The following CLTCL1 variants were observed in gnomAD, a reference collection of about 807,000 sequenced individuals.
The protein encoded by CLTCL1 is clathrin heavy chain like 1, also known as clathrin heavy chain 2.
Under a neutral mutation model 190.0 loss-of-function variants are expected in CLTCL1, and 159 were observed. The observed-to-expected ratio is 0.84, with a 90% confidence interval of 0.74 to 0.95. The LOEUF (loss-of-function observed/expected upper bound fraction) is 0.95, where lower values mean the gene tolerates loss of function less well. Ranked by LOEUF, CLTCL1 falls within the 40% of genes least tolerant of loss-of-function variation. The pLI, the probability that CLTCL1 is intolerant of heterozygous loss-of-function variation, is 0.00. For synonymous variants in CLTCL1, 752 were observed against 769.6 expected (o/e 0.98, Z 0.38); for missense variants, 1,878 against 2,033.4 (o/e 0.92, Z 1.47).
At chr22:19,229,680 T>C (rs562436569) in intron 11 of CLTCL1, among the ~76,000 whole-genome samples, 158 bp downstream of exon 11, 1 of 152,276 alleles carries the variant, frequency 6.6e-6, no homozygotes, top group Admixed American at 6.5e-5. Context: ...TTCTGGAAAA[T>C]CCTTTTAAGG....
At chr22:19,234,232 TAA>T (rs141323779) in intron 7 of CLTCL1, among the ~76,000 whole-genome samples, 3,726 of 152,304 alleles carry the variant, frequency 0.024, 48 homozygotes, top group Non-Finnish European at 0.036. Context: ...TGGAAAATGC[TAA>T]GTTACAGAAA....
chr22:19,216,308 T>C (rs373184742), intron 18 of CLTCL1, 52 bp from the exon 19 acceptor site: 4 of 1,578,196 alleles, frequency 2.5e-6, no homozygotes, highest in African/African-American at 1.3e-5. Flanking sequence ...TTCAAGACTG[T>C]ATCTTTGAAG....
intron 24 of CLTCL1, 33 bp downstream of exon 24, chr22:19,199,701 C>A: frequency 6.6e-7 from 1 of 1,507,734 alleles, no homozygotes; most frequent in Non-Finnish European, 9.0e-7. Flanking sequence ...CATCACTTGT[C>A]ATCTGCATTA....
In CLTCL1 at chr22:19,185,898, A is replaced by G. The variant is rs139301471; in HGVS notation, c.4605+1660T>C. ...CTGTCTCCTCCCAGCAGCCAGGTCC[A>G]GAGACCTCCAGGTGCGGTCTCAGAG... is the stretch of plus-strand genomic sequence containing the variant. On this transcript the variant is annotated intron_variant, in intron 29 of 32. Transcript: ENST00000427926. Among the ~76,000 whole-genome samples, 746 of 152,346 alleles carry G rather than the reference A, an allele frequency of 4.9e-3. 3 individuals are homozygous for G. Among genetic ancestry groups the G allele is most frequent in the Admixed American group, 8.3e-3 (127 of 15,310 alleles).
chr22:19,209,038 C>G lies in CLTCL1; in HGVS notation c.3326G>C (p.Ser1109Thr). The G allele has an allele frequency of 6.2e-7, 1 of 1,610,926 alleles. No homozygotes were observed. Among genetic ancestry groups the G allele is most frequent in the Non-Finnish European group, 8.5e-7 (1 of 1,178,596 alleles). Residue 1109 changes from serine to threonine, a missense_variant, in exon 21 of 33, where the codon AGT becomes ACT. Physicochemically the swap from Ser to Thr is moderately conservative, Grantham distance 58 (BLOSUM62 1). Transcript: ENST00000427926. ...CTGGAGCTGGGCTTGGGCCAGCTGA[C>G]TCCACACAGCAGGCTCATTGCATCT... The part of the protein sequence containing the change: ...AERCNEPAVW[S>T]QLAQAQLQKD...
chr22:19,276,874 GTGTTAGCCAGGA>G (rs1476558390), intron 1 of CLTCL1, among the ~76,000 whole-genome samples: 2 of 151,964 alleles, frequency 1.3e-5, no homozygotes, highest in Non-Finnish European at 2.9e-5. Flanking sequence ...GGGTTTCACC[GTGTTAGCCAGGA>G]TGGTCTCAAT....
chr22:19,234,704 TA>T lies in CLTCL1; in HGVS notation c.971del (p.Val324AspfsTer12). ...GIIGVNKKGQ[V>X]LSVCVEEDNI... is the part of the protein sequence containing the mutation. ...TATCTTCCTCAACACAAACTGACAG[TA>T]CCTGTAAGGACACAACAAGTGAGAG... On this transcript the variant is annotated frameshift_variant and splice_region_variant, in exon 7 of 33. Coordinates refer to ENST00000427926, the MANE Select transcript of CLTCL1 (RefSeq NM_007098.4). LOFTEE classifies it high-confidence loss of function. 6.2e-7 allele frequency: 1 copy of T among 1,612,838 alleles called. No individual in the cohort carries two copies. Among genetic ancestry groups the T allele is most frequent in the Non-Finnish European group, 8.5e-7 (1 of 1,178,936 alleles).
intron 2 of CLTCL1, among the ~76,000 whole-genome samples, chr22:19,256,438 C>G (rs541900550): frequency 1.1e-3 from 165 of 145,952 alleles, no homozygotes; most frequent in Non-Finnish European, 2.0e-3. Context: ...CTCAATGCAG[C>G]CTCCACCTCC....
At chr22:19,258,502 C>G (rs1186251407) in intron 2 of CLTCL1, 1 of 502,156 alleles carries the variant, frequency 2.0e-6, no homozygotes, top group Non-Finnish European at 3.7e-6. Context: ...GAGGTGGAGG[C>G]CTGCTATACC....
chr22:19,276,239 A>T (rs5992384), intron 1 of CLTCL1, among the ~76,000 whole-genome samples: 14,920 of 152,204 alleles, frequency 0.098, 1,150 homozygotes, highest in East Asian at 0.34. Flanking sequence ...GAAGGGAAAA[A>T]GGGAGGAAAC....
chr22:19,247,404 AT>A (rs1333624585), intron 3 of CLTCL1, among the ~76,000 whole-genome samples: 1 of 151,942 alleles, frequency 6.6e-6, no homozygotes, highest in Non-Finnish European at 1.5e-5. Context: ...AATGCATGGG[AT>A]TTTTTTATTT....
chr22:19,218,012 A>T (rs2085446745), intron 18 of CLTCL1, among the ~76,000 whole-genome samples: 1 of 152,214 alleles, frequency 6.6e-6, no homozygotes, highest in South Asian at 2.1e-4. Flanking sequence ...TAAACTTTTC[A>T]TAATGAGGTT....
At chr22:19,290,451 C>G (rs1555992662) in intron 1 of CLTCL1, among the ~76,000 whole-genome samples, 2 of 152,208 alleles carry the variant, frequency 1.3e-5, no homozygotes, top group African/African-American at 4.8e-5. Context: ...TTATGAGCAG[C>G]AGCAGTATTT....
chr22:19,207,151 A>G (rs807548), intron 22 of CLTCL1, among the ~76,000 whole-genome samples: 113,916 of 151,672 alleles, frequency 0.75, 43,966 homozygotes, highest in East Asian at 0.94. Flanking sequence ...TGAGTAGCTG[A>G]GACTACAGGC....
At chr22:19,290,418 T>C (rs1484649990) in intron 1 of CLTCL1, among the ~76,000 whole-genome samples, 1 of 152,208 alleles carries the variant, frequency 6.6e-6, no homozygotes, top group East Asian at 1.9e-4. Flanking sequence ...GCTCAGTAAA[T>C]GATAACTACA....
chr22:19,208,233 A>C lies in CLTCL1; in HGVS notation c.3521T>G (p.Ile1174Ser). ...ACGGCTGGTTTTAGCCAAGGCAAAA[A>C]TAAGTTCAGTCTCTATATAGGACTC... is the stretch of plus-strand genomic sequence containing the variant. ...GRESYIETELIFALAKTSRVS... is the reference protein window; with the variant it reads ...GRESYIETELSFALAKTSRVS... Residue 1174 changes from isoleucine (I) to serine (S), a missense_variant, in exon 22 of 33, where the codon ATT becomes AGT. Transcript: ENST00000427926. The C allele has an allele frequency of 6.2e-7, 1 of 1,613,870 alleles. No individual in the cohort carries two copies. Among genetic ancestry groups the C allele is most frequent in the Non-Finnish European group, 8.5e-7 (1 of 1,179,894 alleles).
intron 24 of CLTCL1, 103 bp downstream of exon 24, chr22:19,199,631 G>T: frequency 2.6e-6 from 2 of 760,690 alleles, no homozygotes; most frequent in East Asian, 2.8e-5. Context: ...ATTTGCAGAT[G>T]CAACACTGTG....
At chr22:19,257,789 C>A (rs1322013114) in intron 2 of CLTCL1, 2 of 1,426,076 alleles carry the variant, frequency 1.4e-6, no homozygotes, top group African/African-American at 1.4e-5. Flanking sequence ...GCCTGAACGA[C>A]CACCTGGCCT....
intron 30 of CLTCL1, 125 bp from the exon 31 acceptor site, chr22:19,180,931 G>T: frequency 1.3e-6 from 1 of 789,616 alleles, no homozygotes; most frequent in East Asian, 2.5e-5. Context: ...AGGTGCACAT[G>T]GGCAGATGTG....
Sources: allele counts gnomAD v4.1 joint callset (sites outside exome capture counted in the v4.1 genomes callset), GRCh38; gene constraint gnomAD v4.1.1; transcripts MANE v1.5; gene names NCBI Gene and HGNC (gene_info 2026-07-23, HGNC 2026-07-21).